NRXN3: variants seen among roughly 807,000 people sequenced by gnomAD.
NRXN3 encodes the protein neurexin 3.
A neutral mutation model predicts 137.6 loss-of-function variants in NRXN3; 32 were observed. The observed-to-expected ratio is 0.23, with a 90% CI of 0.18 to 0.31. The LOEUF is 0.31. Among genes scored for constraint, NRXN3 ranks in the 10% least tolerant of loss-of-function variants. NRXN3 has a pLI of 1.00. For missense variants in NRXN3, 1,574 were observed against 2,062.5 expected (o/e 0.76, Z 4.59); for synonymous variants, 798 against 784.5 (o/e 1.02, Z -0.29).
chr14:79,126,327 G>T (rs71414782), intron 15 of NRXN3, among the ~76,000 whole-genome samples: 3 of 66,376 alleles, frequency 4.5e-5, no homozygotes, highest in South Asian at 7.3e-4. Context: ...CCTCCCCCCC[G>T]CCCCACCCCA....
intron 6 of NRXN3, among the ~76,000 whole-genome samples, chr14:78,699,479 G>A (rs1426838204): frequency 2.0e-5 from 3 of 152,180 alleles, no homozygotes; most frequent in Admixed American, 2.0e-4. Flanking sequence ...AGAATGACAT[G>A]TTATTCCCAG....
intron 16 of NRXN3, among the ~76,000 whole-genome samples, chr14:79,506,816 A>G (rs1280276036): frequency 6.6e-6 from 1 of 152,194 alleles, no homozygotes; most frequent in African/African-American, 2.4e-5. Context: ...AATTTGCTTT[A>G]GAGGGGCATC....
rs1398247226 is a variant in NRXN3 at position 78,730,429 on chromosome 14, C to T, written c.2044+15290C>T. On this transcript the variant is annotated intron_variant, in intron 8 of 20. Coordinates refer to ENST00000335750, the MANE Select transcript of NRXN3 (RefSeq NM_001330195.2). ...TCATTATTTTTTTCCCTGATAAACC[C>T]CACACAGTCCTTTCTTCATTTCTAT... Among the ~76,000 whole-genome samples the T allele has an allele frequency of 4.6e-5, 7 of 152,092 alleles. No individual in the cohort carries two copies. In the East Asian group the frequency reaches 1.2e-3, roughly 25 times the overall value.
Position 79,763,734 on chromosome 14 carries a change from A to G in NRXN3, c.4015-41378A>G, listed in dbSNP as rs1454105842. 2.6e-5 allele frequency among the ~76,000 whole-genome samples: 4 copies of G among 151,462 alleles called. No homozygotes were observed. The East Asian group carries it at 7.7e-4, about 29-fold the overall frequency. On this transcript the variant is annotated intron_variant, in intron 19 of 20. Coordinates refer to ENST00000335750, the MANE Select transcript of NRXN3 (RefSeq NM_001330195.2). ...AAGGACAAGGGGTCTTTCTGCGACC[A>G]GTTTTTCAAGAGAATTAATCCCACT...
intron 15 of NRXN3, among the ~76,000 whole-genome samples, chr14:79,409,365 G>GCA (rs2095371709): frequency 6.6e-5 from 10 of 150,666 alleles, no homozygotes; most frequent in Admixed American, 4.0e-4. Context: ...GTATACATGT[G>GCA]CACATGTACA....
At chr14:78,657,028 CAG>C (rs1418393138) in intron 6 of NRXN3, among the ~76,000 whole-genome samples, 3 of 110,266 alleles carry the variant, frequency 2.7e-5, no homozygotes, top group Non-Finnish European at 1.6e-5. Flanking sequence ...GCCTGGGCGA[CAG>C]AGTGAGACTC....
chr14:78,864,706 A>C, intron 10 of NRXN3, among the ~76,000 whole-genome samples: 1 of 152,192 alleles, frequency 6.6e-6, no homozygotes, highest in East Asian at 1.9e-4. Flanking sequence ...GGGAAGACCC[A>C]AAGAAACAGG....
intron 15 of NRXN3, among the ~76,000 whole-genome samples, chr14:79,025,240 C>G (rs965390619): frequency 1.3e-5 from 2 of 152,100 alleles, no homozygotes; most frequent in African/African-American, 4.8e-5. Flanking sequence ...GTCCTCCAGA[C>G]TCCAAATACC....
At chr14:78,738,900 T>A (rs532177931) in intron 8 of NRXN3, among the ~76,000 whole-genome samples, 1 of 152,284 alleles carries the variant, frequency 6.6e-6, no homozygotes, top group African/African-American at 2.4e-5. Context: ...GACCATGTGG[T>A]GCTCGTGTGG....
At chr14:79,806,938 T>TTATATATATATATATATATATATA (rs1296037210) in intron 20 of NRXN3, among the ~76,000 whole-genome samples, 2 of 58,046 alleles carry the variant, frequency 3.4e-5, no homozygotes, top group African/African-American at 1.6e-4. Context: ...GGCTTTAATT[T>TTATATATATATATATATATATATA]TATATATATA....
chr14:78,427,193 T>G (rs1447710213), intron 4 of NRXN3, among the ~76,000 whole-genome samples: 1 of 152,200 alleles, frequency 6.6e-6, no homozygotes, highest in African/African-American at 2.4e-5. Flanking sequence ...TCTCTAGATT[T>G]GCTTGATTTC....
At chr14:79,098,913 T>G (rs1174899560) in intron 15 of NRXN3, among the ~76,000 whole-genome samples, 1 of 152,186 alleles carries the variant, frequency 6.6e-6, no homozygotes, top group East Asian at 1.9e-4. Flanking sequence ...CCACCCAACC[T>G]CCAGTAGAGT....
At chr14:79,279,404 G>A (rs2153439098) in intron 15 of NRXN3, 2 of 986,272 alleles carry the variant, frequency 2.0e-6, no homozygotes, top group South Asian at 4.7e-5. Context: ...GTGCCTCCCT[G>A]GTCCGCGCAC....
At chr14:79,211,273 A>G (rs915351615) in intron 15 of NRXN3, among the ~76,000 whole-genome samples, 3 of 152,190 alleles carry the variant, frequency 2.0e-5, no homozygotes, top group African/African-American at 4.8e-5. Context: ...ATCAATACAT[A>G]AAATGAGTTT....
intron 20 of NRXN3, among the ~76,000 whole-genome samples, chr14:79,859,537 A>G (rs1603620445): frequency 6.6e-6 from 1 of 152,090 alleles, no homozygotes; most frequent in East Asian, 1.9e-4. Flanking sequence ...TCATAGGAAA[A>G]ACCCTGGAAG....
chr14:78,281,455 A>G (rs1219022625), intron 3 of NRXN3, among the ~76,000 whole-genome samples: 2 of 152,212 alleles, frequency 1.3e-5, no homozygotes, highest in Non-Finnish European at 2.9e-5. Context: ...ACCCTACTGT[A>G]AAGCAGTCTG....
chr14:79,226,060 C>T (rs965810644), intron 15 of NRXN3, among the ~76,000 whole-genome samples: 3 of 152,008 alleles, frequency 2.0e-5, no homozygotes, highest in Admixed American at 6.6e-5. Context: ...TCCCTTTTAC[C>T]ATGTAGCCTA....
chr14:79,133,937 G>GAAA (rs1190530772), intron 15 of NRXN3, among the ~76,000 whole-genome samples: 1 of 42,396 alleles, frequency 2.4e-5, no homozygotes, highest in African/African-American at 8.5e-5. Flanking sequence ...TCAAAAAAAA[G>GAAA]AAAAAAAAAA....
intron 16 of NRXN3, among the ~76,000 whole-genome samples, chr14:79,490,391 T>A (rs1601095754): frequency 6.6e-6 from 1 of 152,230 alleles, no homozygotes; most frequent in South Asian, 2.1e-4. Flanking sequence ...CTTTTCACAA[T>A]AGCTAATGAA....
Sources: gnomAD v4.1 joint callset for allele counts (sites outside exome capture counted in the v4.1 genomes callset) on GRCh38, gnomAD v4.1.1 for gene constraint, MANE v1.5 for transcripts, NCBI Gene and HGNC (gene_info 2026-07-23, HGNC 2026-07-21) for gene names.